GNG4: variants seen among roughly 807,000 people sequenced by gnomAD.
GNG4 encodes G protein subunit gamma 4.
In GNG4, 4 loss-of-function variants were observed where a neutral mutation model predicts 5.8. The ratio of observed to expected loss-of-function variants is 0.69; its 90% CI spans 0.34 to 1.57. GNG4 has a LOEUF of 1.57. Ranked by LOEUF, GNG4 falls within the 40% of genes most tolerant of loss-of-function variation. The pLI, the probability that GNG4 is intolerant of heterozygous loss-of-function variation, is 0.06. For synonymous variants in GNG4, 29 were observed against 32.9 expected (o/e 0.88, Z 0.41); for missense variants, 96 against 95.1 (o/e 1.01, Z -0.04).
At chr1:235,556,690 G>A (rs1438344318) in intron 3 of GNG4, among the ~76,000 whole-genome samples, 4 of 151,946 alleles carry the variant, frequency 2.6e-5, no homozygotes, top group Non-Finnish European at 4.4e-5. Flanking sequence ...TGGGGGTGGG[G>A]GGATGGTTTC....
At chr1:235,609,747 T>C (rs781669713) in intron 1 of GNG4, among the ~76,000 whole-genome samples, 46 of 151,860 alleles carry the variant, frequency 3.0e-4, no homozygotes, top group Non-Finnish European at 6.5e-4. Context: ...ACCCCATCTC[T>C]ACAAAAAAAA....
intron 2 of GNG4, chr1:235,588,839 A>G (rs1374183914): frequency 1.3e-5 from 2 of 150,184 alleles, no homozygotes; most frequent in African/African-American, 2.5e-5. Context: ...CACCCCACCT[A>G]CTCCACTCCA....
chr1:235,644,972 C>T lies in GNG4; in HGVS notation c.-123+4690G>A, dbSNP rs538608327. Among the ~76,000 whole-genome samples the T allele has an allele frequency of 9.9e-5, 15 of 152,270 alleles. No homozygotes were observed. In the East Asian group the frequency reaches 2.7e-3, roughly 28 times the overall value. The stretch of plus-strand genomic sequence containing the variant: ...GCAGCAGACACTCCGTCCACATGGG[C>T]CCCGGGCCGCCAGAGACCCCAGGGC... On this transcript the variant is annotated intron_variant, in intron 1 of 3. Transcript: ENST00000391854. The surrounding 1 kb of genome is among the most constrained non-coding windows in gnomAD (Gnocchi z 5.9).
chr1:235,639,778 A>G (rs1218128416), intron 1 of GNG4, among the ~76,000 whole-genome samples: 1 of 152,194 alleles, frequency 6.6e-6, no homozygotes, highest in African/African-American at 2.4e-5. Context: ...AAGTGCTGGG[A>G]TATCAGGCGT....
chr1:235,640,645 C>G (rs1321554867), intron 1 of GNG4, among the ~76,000 whole-genome samples: 1 of 152,240 alleles, frequency 6.6e-6, no homozygotes, highest in Non-Finnish European at 1.5e-5. Context: ...GTCCTTGAGC[C>G]CGCCTGAATC....
At chr1:235,586,827 C>G (rs1484274136) in intron 2 of GNG4, among the ~76,000 whole-genome samples, 1 of 152,210 alleles carries the variant, frequency 6.6e-6, no homozygotes, top group Non-Finnish European at 1.5e-5. Context: ...CCTGCAGGAC[C>G]ATAAGCCAAT....
chr1:235,577,356 T>G (rs1189522954), intron 3 of GNG4, among the ~76,000 whole-genome samples: 2 of 152,206 alleles, frequency 1.3e-5, no homozygotes, highest in African/African-American at 4.8e-5. Context: ...TATCGTCGTG[T>G]GCACATTCAC....
intron 3 of GNG4, among the ~76,000 whole-genome samples, chr1:235,578,028 T>A (rs1175079073): frequency 6.6e-6 from 1 of 152,154 alleles, no homozygotes; most frequent in Non-Finnish European, 1.5e-5. Context: ...GTCTGGCTGA[T>A]ACCAAGATGC....
chr1:235,577,424 A>G (rs1031674532), intron 3 of GNG4, among the ~76,000 whole-genome samples: 1 of 151,980 alleles, frequency 6.6e-6, no homozygotes, highest in Admixed American at 6.6e-5. Flanking sequence ...TCTTCCTTGG[A>G]AAATCCATCT....
At chr1:235,586,150 A>C (rs1687753547) in intron 2 of GNG4, among the ~76,000 whole-genome samples, 1 of 152,256 alleles carries the variant, frequency 6.6e-6, no homozygotes, top group Non-Finnish European at 1.5e-5. Context: ...ATCAGAGTTT[A>C]ATAGATGTGT....
At chr1:235,615,752 G>A (rs1353323484) in intron 1 of GNG4, 4 of 251,506 alleles carry the variant, frequency 1.6e-5, no homozygotes, top group Non-Finnish European at 3.2e-5. Context: ...ACCAGGAGGA[G>A]GGGGGTGATG....
chr1:235,557,323 T>A (rs1015615007), intron 3 of GNG4, among the ~76,000 whole-genome samples: 1 of 152,118 alleles, frequency 6.6e-6, no homozygotes, highest in Non-Finnish European at 1.5e-5. Context: ...CGAGGAGAGA[T>A]CCTTGTGGTT....
intron 1 of GNG4, among the ~76,000 whole-genome samples, chr1:235,622,764 C>T (rs1033968745): frequency 6.7e-6 from 1 of 150,226 alleles, no homozygotes; most frequent in Non-Finnish European, 1.5e-5. Context: ...CCCAGCTACT[C>T]AGGAGGCTGA....
chr1:235,593,196 G>T (rs149721714), intron 2 of GNG4, among the ~76,000 whole-genome samples: 1 of 152,108 alleles, frequency 6.6e-6, no homozygotes, highest in Non-Finnish European at 1.5e-5. Flanking sequence ...TCATCCACCC[G>T]TCTTGGCCTC....
chr1:235,594,020 G>T (rs1169373787), intron 2 of GNG4, among the ~76,000 whole-genome samples: 2 of 152,168 alleles, frequency 1.3e-5, no homozygotes, highest in Non-Finnish European at 2.9e-5. Context: ...TTTACAGAGA[G>T]CTGATTGGTC....
rs1480022872 is a variant in GNG4 at position 235,648,145 on chromosome 1, T to C, written c.-123+1517A>G. On this transcript the variant is annotated intron_variant, in intron 1 of 3. Coordinates refer to ENST00000391854, the MANE Select transcript of GNG4 (RefSeq NM_001098722.2). The surrounding 1 kb of genome is among the most constrained non-coding windows in gnomAD (Gnocchi z 5.0). ...AGGCCTACATCCTCCACTGGCTTCC[T>C]TGGGCGAATTTTAAGGCCTATGAGC... Among the ~76,000 whole-genome samples the C allele has an allele frequency of 3.3e-5, 5 of 152,132 alleles. No homozygotes were observed. Among genetic ancestry groups the C allele is most frequent in the Admixed American group, 6.5e-5 (1 of 15,274 alleles).
chr1:235,606,165 G>A (rs1293188438), intron 1 of GNG4, among the ~76,000 whole-genome samples: 2 of 151,986 alleles, frequency 1.3e-5, no homozygotes, highest in African/African-American at 2.4e-5. Context: ...GGATCATGAA[G>A]TCAGGAGTTC....
At chr1:235,561,405 TCTCTA>T (rs386640605) in intron 3 of GNG4, among the ~76,000 whole-genome samples, 3 of 151,040 alleles carry the variant, frequency 2.0e-5, no homozygotes, top group African/African-American at 7.4e-5. Context: ...GCGCTCTCTC[TCTCTA>T]TATATATACA....
rs561016289 is a variant in GNG4 at position 235,556,325 on chromosome 1, C to T, written c.100-4088G>A. Among the ~76,000 whole-genome samples the T allele has an allele frequency of 6.6e-5, 10 of 151,496 alleles. No homozygotes were observed. The South Asian group carries it at 1.5e-3, about 22-fold the overall frequency. On this transcript the variant is annotated intron_variant, in intron 3 of 3. Transcript: ENST00000391854. ...CTGTAATCCCAGCACTTTGGGGGGC[C>T]GAGGCAGGCAGATCACAAAATCAGG...
Sources: gnomAD v4.1 joint callset for allele counts (sites outside exome capture counted in the v4.1 genomes callset) on GRCh38, gnomAD v4.1.1 for gene constraint, Gnocchi (gnomAD v3.1) non-coding constraint, MANE v1.5 for transcripts, NCBI Gene and HGNC (gene_info 2026-07-23, HGNC 2026-07-21) for gene names.